ANAPC7: variants seen among roughly 807,000 people sequenced by gnomAD.
ANAPC7 encodes the protein anaphase promoting complex subunit 7.
A neutral mutation model predicts 63.3 loss-of-function variants in ANAPC7; 25 were observed. The observed-to-expected ratio is 0.39, with a 90% CI of 0.29 to 0.55. ANAPC7 has a LOEUF of 0.55. ANAPC7 is among the 20% of genes least tolerant of loss of function. ANAPC7 has a pLI of 0.57. For missense variants in ANAPC7, 516 were observed against 691.7 expected, an observed-to-expected ratio of 0.75 and a Z score of 2.85; for synonymous variants, 241 against 251.7, an observed-to-expected ratio of 0.96 and a Z score of 0.40.
rs533829159 is a variant in ANAPC7, at chr12:110,398,328, A to G, written c.102-1876T>C. ...CTACTTAGGAGGCTAAGACAGGACA[A>G]TCGCTTGAGCCCAGGAGACAGAAGT... is the stretch of plus-strand genomic sequence containing the variant. On this transcript the variant is annotated intron_variant, in intron 1 of 10. Transcript: ENST00000455511. Among the ~76,000 whole-genome samples the G allele has an allele frequency of 2.6e-5, 4 of 152,198 alleles. No individual in the cohort carries two copies. The South Asian group carries it at 6.2e-4, about 24-fold the overall frequency.
intron 9 of ANAPC7, 100 bp downstream of exon 9, chr12:110,377,293 C>T: frequency 9.8e-7 from 1 of 1,018,670 alleles, no homozygotes; most frequent in Non-Finnish European, 1.5e-6. Flanking sequence ...AGGCACACAC[C>T]TGTCTAGTCA....
intron 1 of ANAPC7, among the ~76,000 whole-genome samples, chr12:110,398,887 G>A (rs775836962): frequency 3.3e-5 from 5 of 151,926 alleles, no homozygotes; most frequent in Admixed American, 2.0e-4. Flanking sequence ...AGAGGTTGCG[G>A]TGAGCCAAGA....
intron 1 of ANAPC7, among the ~76,000 whole-genome samples, chr12:110,397,881 G>A (rs986993688): frequency 1.3e-5 from 2 of 151,734 alleles, no homozygotes; most frequent in African/African-American, 2.4e-5. Flanking sequence ...GGCGACAAGA[G>A]TGAAACTCTG....
At position 110,395,174 on chromosome 12, in the gene ANAPC7, T is replaced by A. The variant is rs1039907968; in HGVS notation, c.335A>T (p.Tyr112Phe). 6 of 1,613,568 alleles carry A rather than the reference T, an allele frequency of 3.7e-6. No homozygotes were observed. The highest frequency in any genetic ancestry group is 5.1e-6 in the Non-Finnish European group (6 of 1,179,606). The change falls in exon 3 of 11, where the codon TAT (tyrosine) becomes TTT (phenylalanine). Residue 112 changes from tyrosine (Y) to phenylalanine (F), a missense_variant. Around this residue, in one of 4 missense-constraint regions of ANAPC7, gnomAD observed 185 missense variants for 200.3 expected, o/e 0.92. Coordinates refer to ENST00000455511, the MANE Select transcript of ANAPC7 (RefSeq NM_016238.3). ...IEVKYKMAEC[Y>F]TMLKQDKDAI... ...ATCTTTATCTTGTTTTAGCATTGTA[T>A]AACATTCAGCCATTTTGTATTTCAC...
At chr12:110,382,455 A>ATAT (rs1306028353) in intron 7 of ANAPC7, among the ~76,000 whole-genome samples, 514 of 69,740 alleles carry the variant, frequency 7.4e-3, no homozygotes, top group Non-Finnish European at 0.01. Context: ...AAAAAAAAAA[A>ATAT]AAAAAAATAT....
At chr12:110,376,536 T>C (rs1592891615) in intron 9 of ANAPC7, among the ~76,000 whole-genome samples, 1 of 116,164 alleles carries the variant, frequency 8.6e-6, no homozygotes, top group Non-Finnish European at 1.6e-5. Flanking sequence ...GCCACTACAC[T>C]CCAGTCTGGG....
chr12:110,381,954 G>GAAAAAAAAAAAAAAAAAAAAAAAA lies in ANAPC7; in HGVS notation c.936-7_936-6insTTTTTTTTTTTTTTTTTTTTTTTT, dbSNP rs35699984. On this transcript the variant is annotated splice_polypyrimidine_tract_variant and splice_region_variant and intron_variant, in intron 7 of 10. Transcript: ENST00000455511. Reference sequence around the variant, plus strand: ...TGCTATAGAAGCTGTGACAGCTGGAGAAAAAAAAAAAAAAAAAAACACAAA... The same window carrying GAAAAAAAAAAAAAAAAAAAAAAAA: ...TGCTATAGAAGCTGTGACAGCTGGAGAAAAAAAAAAAAAAAAAAAAAAAAAAAAAAAAAAAAAAAAAAACACAAA... 1.1e-6 allele frequency: 1 copy of GAAAAAAAAAAAAAAAAAAAAAAAA among 913,076 alleles called. No homozygotes were observed. 56.6% of individuals were successfully genotyped at this position (913,076 alleles called of 1,614,324 possible).
intron 1 of ANAPC7, among the ~76,000 whole-genome samples, chr12:110,400,075 A>G (rs866667707): frequency 1.2e-4 from 18 of 151,750 alleles, no homozygotes; most frequent in African/African-American, 3.7e-4. Flanking sequence ...CTGGCGACAG[A>G]GTGAGACTCA....
At chr12:110,400,192 T>C (rs1464242844) in intron 1 of ANAPC7, among the ~76,000 whole-genome samples, 1 of 152,242 alleles carries the variant, frequency 6.6e-6, no homozygotes, top group East Asian at 1.9e-4. Context: ...AATAACCATT[T>C]GATGCTTAGA....
At chr12:110,396,516 CT>C (rs201366440) in intron 1 of ANAPC7, 64 bp from the exon 2 acceptor site, 122,042 of 917,542 alleles carry the variant, frequency 0.13, no homozygotes, top group South Asian at 0.2. Flanking sequence ...CCCCCAGCTT[CT>C]TTTTTTTTTT....
At chr12:110,390,091 G>A (rs572886730) in intron 3 of ANAPC7, among the ~76,000 whole-genome samples, 8 of 150,974 alleles carry the variant, frequency 5.3e-5, no homozygotes, top group Admixed American at 3.9e-4. Flanking sequence ...TTTTTGAGAC[G>A]GAGTTTCACG....
At chr12:110,400,547 CTG>C (rs1433790430) in intron 1 of ANAPC7, among the ~76,000 whole-genome samples, 3 of 152,202 alleles carry the variant, frequency 2.0e-5, no homozygotes, top group African/African-American at 7.2e-5. Context: ...GAGAATTAAA[CTG>C]TTTCAAACTA....
At chr12:110,381,238 A>T (rs1881815495) in intron 8 of ANAPC7, among the ~76,000 whole-genome samples, 1 of 152,142 alleles carries the variant, frequency 6.6e-6, no homozygotes, top group African/African-American at 2.4e-5. Context: ...GACCTCCAAA[A>T]ATATCGATGT....
intron 3 of ANAPC7, among the ~76,000 whole-genome samples, chr12:110,392,956 C>T (rs1208546400): frequency 3.3e-5 from 5 of 152,110 alleles, no homozygotes; most frequent in Non-Finnish European, 5.9e-5. Context: ...CCACCACACC[C>T]GGCTAATTTT....
At position 110,382,747 on chromosome 12, in the gene ANAPC7, C is replaced by G. The variant is rs190814685; in HGVS notation, c.935+96G>C. The G allele has an allele frequency of 2.8e-4, 310 of 1,094,044 alleles. 1 individual carries two copies. The African/African-American group carries it at 4.6e-3, about 16-fold the overall frequency. 67.8% of individuals were successfully genotyped at this position (1,094,044 alleles called of 1,614,324 possible). On this transcript the variant is annotated intron_variant, in intron 7 of 10. Coordinates refer to ENST00000455511, the MANE Select transcript of ANAPC7 (RefSeq NM_016238.3). ...ACCATGCCTGTCCAGGTGATTACCT[C>G]TTAAACCTGTGCTTTCAATTTATAT...
intron 1 of ANAPC7, among the ~76,000 whole-genome samples, 165 bp downstream of exon 1, chr12:110,403,362 T>C (rs1424017337): frequency 1.3e-5 from 2 of 152,000 alleles, no homozygotes; most frequent in East Asian, 3.9e-4. Context: ...GAACCCAACT[T>C]GCGCTCCGAA....
At chr12:110,375,974 A>T in intron 10 of ANAPC7, 92 bp downstream of exon 10, 6 of 1,433,588 alleles carry the variant, frequency 4.2e-6, no homozygotes, top group Non-Finnish European at 5.5e-6. Flanking sequence ...ATGGACACAA[A>T]GTGTGTGTGT....
intron 8 of ANAPC7, among the ~76,000 whole-genome samples, chr12:110,379,577 A>C (rs1881624170): frequency 6.6e-6 from 1 of 152,220 alleles, no homozygotes; most frequent in Non-Finnish European, 1.5e-5. Context: ...ATCTGAAATC[A>C]ATGGTTGGTT....
chr12:110,377,136 CAAAA>C (rs35149960), intron 9 of ANAPC7, among the ~76,000 whole-genome samples: 1 of 46,432 alleles, frequency 2.2e-5, no homozygotes, highest in Non-Finnish European at 4.3e-5. Flanking sequence ...GATGCCGTCT[CAAAA>C]AAAAAAAAAA....
Sources: allele counts gnomAD v4.1 joint callset (sites outside exome capture counted in the v4.1 genomes callset), GRCh38; gene constraint gnomAD v4.1.1; regional missense constraint gnomAD v4.1.1; transcripts MANE v1.5; gene names NCBI Gene and HGNC (gene_info 2026-07-23, HGNC 2026-07-21).